CCDC7: variants seen among roughly 807,000 people sequenced by gnomAD.
CCDC7 encodes the protein coiled-coil domain containing 7.
Under a neutral mutation model 196.9 loss-of-function variants are expected in CCDC7, and 183 were observed. The ratio of observed to expected loss-of-function variants is 0.93; its 90% CI spans 0.82 to 1.05. CCDC7 has a LOEUF of 1.05. CCDC7 is among the 50% of genes least tolerant of loss of function. The probability of loss-of-function intolerance (pLI) is 0.00; values close to 1 mark genes in which losing one functional copy is unlikely to be tolerated. For missense variants in CCDC7, 1,540 were observed against 1,482.2 expected (o/e 1.04, Z -0.64); for synonymous variants, 525 against 484.6 (o/e 1.08, Z -1.10).
intron 25 of CCDC7, among the ~76,000 whole-genome samples, chr10:32,724,537 G>A (rs780024101): frequency 3.3e-5 from 5 of 152,110 alleles, no homozygotes; most frequent in African/African-American, 4.8e-5. Context: ...CACCAGATGA[G>A]TGGCAGATGT....
At chr10:32,749,931 C>G (rs2133422349) in intron 28 of CCDC7, among the ~76,000 whole-genome samples, 1 of 152,240 alleles carries the variant, frequency 6.6e-6, no homozygotes, top group African/African-American at 2.4e-5. Flanking sequence ...CTCACAATTT[C>G]CTCCATCCTC....
intron 28 of CCDC7, among the ~76,000 whole-genome samples, chr10:32,731,942 A>C (rs2084046349): frequency 6.6e-6 from 1 of 152,160 alleles, no homozygotes; most frequent in African/African-American, 2.4e-5. Flanking sequence ...AGTCCCGGCT[A>C]CTTGGGAGGC....
chr10:32,840,696 A>G (rs1361888489), intron 33 of CCDC7, among the ~76,000 whole-genome samples: 1 of 152,038 alleles, frequency 6.6e-6, no homozygotes, highest in African/African-American at 2.4e-5. Flanking sequence ...GAAGGACATA[A>G]CAAAAAAAGA....
intron 21 of CCDC7, among the ~76,000 whole-genome samples, chr10:32,673,619 C>A (rs1401120484): frequency 1.6e-5 from 2 of 128,108 alleles, no homozygotes; most frequent in Non-Finnish European, 3.2e-5. Context: ...ATATTCTGTA[C>A]CTTTACTGAA....
At chr10:32,536,272 T>C (rs2050484424) in intron 11 of CCDC7, among the ~76,000 whole-genome samples, 1 of 152,126 alleles carries the variant, frequency 6.6e-6, no homozygotes, top group Non-Finnish European at 1.5e-5. Flanking sequence ...ATCAGACCCC[T>C]GCAGAAATTA....
At chr10:32,878,424 G>A (rs976155148), downstream of CCDC7, among the ~76,000 whole-genome samples, 5 of 152,050 alleles carry the variant, frequency 3.3e-5, no homozygotes, top group African/African-American at 9.7e-5. Flanking sequence ...GCTCCTTGGA[G>A]AAGTAGGACC....
chr10:32,583,444 A>G, intron 17 of CCDC7, 137 bp downstream of exon 18: 1 of 471,086 alleles, frequency 2.1e-6, no homozygotes, highest in Non-Finnish European at 3.4e-6. Context: ...TTTTAACACA[A>G]CCCACTTTAT....
chr10:32,738,100 T>C (rs980569038), intron 28 of CCDC7, among the ~76,000 whole-genome samples: 4 of 152,154 alleles, frequency 2.6e-5, no homozygotes, highest in African/African-American at 9.7e-5. Flanking sequence ...TTGTTTCTTT[T>C]TCACCTTCCA....
intron 32 of CCDC7, among the ~76,000 whole-genome samples, chr10:32,826,841 GGTTGT>G (rs1203524985): frequency 6.6e-6 from 1 of 152,360 alleles, no homozygotes; most frequent in Non-Finnish European, 1.5e-5. Context: ...TGGTGCACCT[GGTTGT>G]GCACTCTTCA....
intron 9 of CCDC7, among the ~76,000 whole-genome samples, chr10:32,495,232 G>T (rs1394037798): frequency 1.3e-5 from 2 of 151,980 alleles, no homozygotes; most frequent in African/African-American, 4.8e-5. Flanking sequence ...CTTTTTGATG[G>T]GGTTGTTTGT....
chr10:32,587,419 G>T lies in CCDC7; in HGVS notation c.1801+3115G>T, dbSNP rs2059393679. On this transcript the variant is annotated intron_variant, in intron 18 of 41. Transcript: ENST00000639629. ...GAGAGAGCAACAGAGAGAGGAAGGG[G>T]GACAAACTCGGGAGCCTACTTTGTG... Among the ~76,000 whole-genome samples, 3 of 152,098 alleles carry T rather than the reference G, an allele frequency of 2.0e-5. No homozygotes were observed. The South Asian group carries it at 6.2e-4, about 32-fold the overall frequency.
At chr10:32,655,836 G>A (rs766676455) in intron 20 of CCDC7, among the ~76,000 whole-genome samples, 4 of 152,134 alleles carry the variant, frequency 2.6e-5, no homozygotes, top group Non-Finnish European at 2.9e-5. Flanking sequence ...CATTAGCCAC[G>A]ATGTCTGGCC....
intron 18 of CCDC7, among the ~76,000 whole-genome samples, chr10:32,596,117 CG>C (rs1807993196): frequency 6.6e-6 from 1 of 151,968 alleles, no homozygotes; most frequent in Non-Finnish European, 1.5e-5. Flanking sequence ...TCTGTCTGGT[CG>C]ATCTGTCTAA....
downstream of CCDC7, among the ~76,000 whole-genome samples, chr10:32,880,917 C>T (rs1231696045): frequency 6.6e-6 from 1 of 152,070 alleles, no homozygotes; most frequent in Admixed American, 6.6e-5. Context: ...GTACCAATAC[C>T]AACTGTTTTG....
chr10:32,518,453 C>A lies in CCDC7; in HGVS notation c.941C>A (p.Ser314Ter). 1.2e-6 allele frequency: 2 copies of A among 1,604,532 alleles called. No individual in the cohort carries two copies. Among genetic ancestry groups the A allele is most frequent in the Admixed American group, 1.7e-5 (1 of 58,552 alleles). Residue 314 changes from serine (S) to a stop codon, truncating the protein, a stop_gained, in exon 11 of 42, where the codon TCA (serine) becomes TAA (stop). Transcript: ENST00000639629. LOFTEE classifies it high-confidence loss of function. ...ATGCAGTGTGATTTTCAGTTGTTAT[C>A]AGAAGAGAAGTTGGTGCTGGAAAAT...
chr10:32,515,828 C>T (rs924246188), intron 9 of CCDC7, among the ~76,000 whole-genome samples: 1 of 152,048 alleles, frequency 6.6e-6, no homozygotes, highest in South Asian at 2.1e-4. Flanking sequence ...CGTGAGCCAC[C>T]GTGCCTGGCC....
chr10:32,474,153 G>T (rs1186620081), intron 8 of CCDC7, 130 bp downstream of exon 9: 2 of 722,632 alleles, frequency 2.8e-6, no homozygotes, highest in South Asian at 4.1e-5. Flanking sequence ...AGTTGAGCTG[G>T]TTGTCAAGCA....
chr10:32,544,222 C>T (rs2052026291), intron 12 of CCDC7, 25 bp from the exon 14 acceptor site: 1 of 1,572,846 alleles, frequency 6.4e-7, no homozygotes, highest in Non-Finnish European at 8.7e-7. Context: ...TATCATGATG[C>T]ATTTTAAAAC....
At chr10:32,507,965 A>T (rs192715143) in intron 9 of CCDC7, among the ~76,000 whole-genome samples, 1 of 152,384 alleles carries the variant, frequency 6.6e-6, no homozygotes, top group African/African-American at 2.4e-5. Flanking sequence ...CAGGAAAAAG[A>T]CAAGGATGCC....
Sources: allele counts gnomAD v4.1 joint callset (sites outside exome capture counted in the v4.1 genomes callset), GRCh38; gene constraint gnomAD v4.1.1; transcripts MANE v1.5; gene names NCBI Gene and HGNC (gene_info 2026-07-23, HGNC 2026-07-21).